The following CCDC68 variants were observed in gnomAD, a reference collection of about 807,000 sequenced individuals.
CCDC68 encodes the protein coiled-coil domain-containing protein 68.
A neutral mutation model predicts 47.1 loss-of-function variants in CCDC68; 45 were observed. That is an observed-to-expected ratio of 0.96 (90% CI 0.75 to 1.23). The LOEUF (loss-of-function observed/expected upper bound fraction) is 1.23, where lower values mean the gene tolerates loss of function less well. Ranked by LOEUF, CCDC68 falls within the 50% of genes most tolerant of loss-of-function variation. CCDC68 has a pLI of 0.00. For synonymous variants in CCDC68, 131 were observed against 129.5 expected (o/e 1.01, Z -0.08); for missense variants, 353 against 373.6 (o/e 0.94, Z 0.45).
intron 8 of CCDC68, among the ~76,000 whole-genome samples, chr18:54,927,874 G>A (rs2044171401): frequency 6.6e-6 from 1 of 152,180 alleles, no homozygotes; most frequent in Non-Finnish European, 1.5e-5. Flanking sequence ...AACATATGAG[G>A]ACAGGTGGGA....
chr18:54,919,067 A>G (rs2044006614), intron 9 of CCDC68, among the ~76,000 whole-genome samples: 1 of 152,212 alleles, frequency 6.6e-6, no homozygotes, highest in African/African-American at 2.4e-5. Context: ...TTTCCAAGCT[A>G]TCTTCATCGA....
chr18:54,914,045 T>C lies in CCDC68; in HGVS notation c.873+3868A>G, dbSNP rs79398221. On this transcript the variant is annotated intron_variant, in intron 10 of 11. Transcript: ENST00000591504. The stretch of plus-strand genomic sequence containing the variant: ...TGTTTATTTGTTTGTTGTCTGTTTC[T>C]TCAAAGTATAAGTAAGATGAAATCA... Among the ~76,000 whole-genome samples, 1,311 of 152,316 alleles carry C rather than the reference T, an allele frequency of 8.6e-3. 12 individuals are homozygous for C. Among genetic ancestry groups the C allele is most frequent in the African/African-American group, 0.025 (1,058 of 41,566 alleles).
At chr18:54,934,785 C>G (rs377606224) in intron 7 of CCDC68, 35 bp downstream of exon 7, 39 of 1,386,644 alleles carry the variant, frequency 2.8e-5, no homozygotes, top group Admixed American at 8.2e-5. Context: ...CTAATGCTGT[C>G]AGTAAGAAAA....
intron 11 of CCDC68, among the ~76,000 whole-genome samples, chr18:54,905,607 A>G (rs1020669246): frequency 6.6e-6 from 1 of 152,170 alleles, no homozygotes; most frequent in African/African-American, 2.4e-5. Context: ...ATTCCATTGT[A>G]TATTTGTGAA....
intron 8 of CCDC68, among the ~76,000 whole-genome samples, chr18:54,925,460 T>C (rs2044128915): frequency 6.6e-6 from 1 of 152,146 alleles, no homozygotes; most frequent in Admixed American, 6.5e-5. Flanking sequence ...ATTCATGTAG[T>C]AAGATGTTGA....
chr18:54,930,614 C>CCTTCCTT (rs1291398392), intron 7 of CCDC68, among the ~76,000 whole-genome samples: 5 of 56,530 alleles, frequency 8.8e-5, no homozygotes, highest in African/African-American at 3.6e-4. Context: ...TTCCTTCCTT[C>CCTTCCTT]CCTTCCCTTC....
intron 7 of CCDC68, among the ~76,000 whole-genome samples, chr18:54,932,232 T>C (rs900773570): frequency 1.3e-5 from 2 of 151,406 alleles, no homozygotes; most frequent in African/African-American, 4.9e-5. Flanking sequence ...TCACCCAGGC[T>C]GAAGTGCAGT....
intron 2 of CCDC68, among the ~76,000 whole-genome samples, chr18:54,944,556 C>T (rs925497419): frequency 1.3e-5 from 2 of 152,058 alleles, no homozygotes; most frequent in Non-Finnish European, 1.5e-5. Flanking sequence ...CCGCAACAAC[C>T]ACAATGCTTA....
At chr18:54,922,716 G>C (rs1354294645) in intron 8 of CCDC68, among the ~76,000 whole-genome samples, 1 of 152,004 alleles carries the variant, frequency 6.6e-6, no homozygotes, top group Admixed American at 6.5e-5. Context: ...TGCTGGGTGT[G>C]GTGGCTCACA....
intron 4 of CCDC68, 126 bp from the exon 5 acceptor site, chr18:54,938,223 T>G (rs2044381983): frequency 1.2e-6 from 1 of 838,864 alleles, no homozygotes; most frequent in Non-Finnish European, 1.7e-6. Context: ...AAACATCTTT[T>G]GAATCTCAAA....
chr18:54,922,972 A>G (rs2044086100), intron 8 of CCDC68, among the ~76,000 whole-genome samples: 1 of 138,830 alleles, frequency 7.2e-6, no homozygotes, highest in African/African-American at 2.8e-5. Flanking sequence ...TGGGTGACAG[A>G]GCAAGACTCC....
chr18:54,950,818 C>T (rs1419389746), intron 1 of CCDC68, among the ~76,000 whole-genome samples: 1 of 84,956 alleles, frequency 1.2e-5, no homozygotes, highest in Non-Finnish European at 2.5e-5. Context: ...CAATAAGGCA[C>T]AAAAAAGGAT....
rs2044509738 is a variant in CCDC68 at position 54,945,487 on chromosome 18, A to T, written c.-102-10T>A. The T allele has an allele frequency of 6.6e-6, 1 of 152,180 alleles. No individual in the cohort carries two copies. The highest frequency in any genetic ancestry group is 2.4e-5 in the African/African-American group (1 of 41,438). The allele number at this position is 152,180 out of a possible 1,614,324, so 9.4% of individuals were successfully genotyped here. A position where few individuals can be genotyped will look rare whatever the true frequency, so the allele number is the denominator to read the frequency against. ...ATTAAGACTGGCTTCCCTGGAGAGA[A>T]ACAATAACAACAACAAAATATTTAA... On this transcript the variant is annotated splice_polypyrimidine_tract_variant and intron_variant, in intron 1 of 11. Transcript: ENST00000591504.
chr18:54,940,963 G>C, intron 4 of CCDC68, 34 bp downstream of exon 4: 1 of 1,456,474 alleles, frequency 6.9e-7, no homozygotes, highest in African/African-American at 1.4e-5. Context: ...AAGTCTAAAT[G>C]GCTTTATGCT....
At chr18:54,929,320 A>G (rs909673554) in intron 7 of CCDC68, among the ~76,000 whole-genome samples, 2 of 152,226 alleles carry the variant, frequency 1.3e-5, no homozygotes, top group African/African-American at 4.8e-5. Context: ...CATCTGTCAG[A>G]AGGTAGTAAA....
chr18:54,921,276 C>G (rs1268000939), intron 8 of CCDC68, among the ~76,000 whole-genome samples: 1 of 152,104 alleles, frequency 6.6e-6, no homozygotes, highest in African/African-American at 2.4e-5. Flanking sequence ...TCAATAGTAG[C>G]CCAAACCTCA....
chr18:54,919,410 A>G (rs956050024), intron 8 of CCDC68, 34 bp from the exon 9 acceptor site: 6 of 1,491,626 alleles, frequency 4.0e-6, no homozygotes, highest in Admixed American at 1.7e-5. Context: ...CCAAGAGAAA[A>G]TGATTGGCTC....
intron 2 of CCDC68, 40 bp downstream of exon 2, chr18:54,945,348 A>G (rs2044508030): frequency 1.3e-5 from 2 of 152,172 alleles, no homozygotes; most frequent in Non-Finnish European, 2.9e-5. Context: ...TGTTACTGAT[A>G]AGAAGCCAAG....
In CCDC68 at chr18:54,912,501, G is replaced by T. The variant is rs761458346; in HGVS notation, c.874-4639C>A. Among the ~76,000 whole-genome samples the T allele has an allele frequency of 2.8e-4, 42 of 152,112 alleles. 1 individual carries two copies. The highest frequency in any genetic ancestry group is 4.4e-4 in the Non-Finnish European group (30 of 68,026). On this transcript the variant is annotated intron_variant, in intron 10 of 11. Transcript: ENST00000591504. ...TGTTTCCATTACTTGAAAGCTAGAA[G>T]TAAGGTAGAAAATATTTAATACAGT...
Sources: gnomAD v4.1 joint callset for allele counts (sites outside exome capture counted in the v4.1 genomes callset) on GRCh38, gnomAD v4.1.1 for gene constraint, MANE v1.5 for transcripts, NCBI Gene and HGNC (gene_info 2026-07-23, HGNC 2026-07-21) for gene names.